The following PBRM1 variants were observed in gnomAD, a reference collection of about 807,000 sequenced individuals.
The protein encoded by PBRM1 is polybromo 1.
In PBRM1, 27 loss-of-function variants were observed where a neutral mutation model predicts 194.5. The observed-to-expected ratio is 0.14, with a 90% confidence interval of 0.10 to 0.19. The LOEUF (loss-of-function observed/expected upper bound fraction) is 0.19, where lower values mean the gene tolerates loss of function less well. Among genes scored for constraint, PBRM1 ranks in the 10% least tolerant of loss-of-function variants. The pLI, the probability that PBRM1 is intolerant of heterozygous loss-of-function variation, is 1.00. For missense variants in PBRM1, 1,466 were observed against 2,077.2 expected (o/e 0.71, Z 5.72); for synonymous variants, 655 against 693.2 (o/e 0.94, Z 0.87).
At chr3:52,645,335 T>C (rs559657373) in intron 7 of PBRM1, among the ~76,000 whole-genome samples, 175 of 151,910 alleles carry the variant, frequency 1.2e-3, no homozygotes, top group African/African-American at 4.0e-3. Context: ...TCTTTCTTTT[T>C]TTTTTTTGGT....
At chr3:52,628,827 C>T in intron 12 of PBRM1, 67 bp downstream of exon 13, 1 of 1,411,638 alleles carries the variant, frequency 7.1e-7, no homozygotes, top group Non-Finnish European at 1.0e-6. Context: ...TACTAGAACA[C>T]ACTCAAAACA....
At chr3:52,685,190 C>G (rs925383441) in intron 1 of PBRM1, among the ~76,000 whole-genome samples, 1 of 152,094 alleles carries the variant, frequency 6.6e-6, no homozygotes, top group Non-Finnish European at 1.5e-5. Flanking sequence ...TAAATTAAAA[C>G]TTATTATAAT....
intron 7 of PBRM1, among the ~76,000 whole-genome samples, chr3:52,647,928 T>C (rs75275370): frequency 6.8e-6 from 1 of 146,758 alleles, no homozygotes; most frequent in Admixed American, 6.9e-5. Context: ...TTTTTTTTTT[T>C]CTTTTTGAGA....
upstream of PBRM1, among the ~76,000 whole-genome samples, chr3:52,684,314 A>C (rs1210532496): frequency 6.6e-6 from 1 of 152,194 alleles, no homozygotes; most frequent in Non-Finnish European, 1.5e-5. Flanking sequence ...AAAGTCTAAC[A>C]ATCAATAATT....
intron 20 of PBRM1, chr3:52,585,530 T>A (rs72947589): frequency 0.072 from 11,042 of 152,314 alleles, 949 homozygotes; most frequent in African/African-American, 0.21. Context: ...CACATTTATT[T>A]ATTTATTTAT....
intron 3 of PBRM1, among the ~76,000 whole-genome samples, chr3:52,667,950 G>A (rs34537989): frequency 0.031 from 4,680 of 151,566 alleles, 141 homozygotes; most frequent in Non-Finnish European, 0.045. Context: ...CAAACCAAGA[G>A]AAAAATGGGC....
At chr3:52,643,306 G>A in exon 9 of PBRM1, 1 of 1,613,838 alleles carries the variant, frequency 6.2e-7, no homozygotes, top group East Asian at 2.2e-5. Context: ...CTGTGTGAAG[G>A]ACCTGTCAGT....
intron 20 of PBRM1, among the ~76,000 whole-genome samples, chr3:52,581,479 C>A (rs2091162329): frequency 6.7e-6 from 1 of 149,362 alleles, no homozygotes; most frequent in African/African-American, 2.5e-5. Flanking sequence ...CGCTATACTC[C>A]AACCTGGGCA....
intron 22 of PBRM1, among the ~76,000 whole-genome samples, chr3:52,567,067 C>CAAAA (rs936466298): frequency 1.7e-5 from 1 of 59,958 alleles, no homozygotes; most frequent in Non-Finnish European, 3.5e-5. Context: ...GACTCCATCT[C>CAAAA]AAAAAAAAAA....
At chr3:52,685,098 T>C (rs2097289345) in intron 1 of PBRM1, among the ~76,000 whole-genome samples, 1 of 152,226 alleles carries the variant, frequency 6.6e-6, no homozygotes, top group Admixed American at 6.5e-5. Context: ...TCTATAATTA[T>C]TGTAAGAATT....
At chr3:52,550,771 T>C (rs2251219) in exon 28 of PBRM1, 614,482 of 1,608,634 alleles carry the variant, frequency 0.38, 121,663 homozygotes, top group Admixed American at 0.51. Flanking sequence ...GACTTCCACC[T>C]GGTGCTGGAG....
At chr3:52,632,028 G>C (rs911400985) in intron 11 of PBRM1, among the ~76,000 whole-genome samples, 2 of 152,116 alleles carry the variant, frequency 1.3e-5, no homozygotes, top group African/African-American at 2.4e-5. Flanking sequence ...TTTGGGAATG[G>C]TCACCTATTC....
intron 15 of PBRM1, 99 bp from the exon 18 acceptor site, chr3:52,610,054 T>A: frequency 1.4e-6 from 1 of 718,488 alleles, no homozygotes; most frequent in Non-Finnish European, 2.1e-6. Context: ...AAGTAATTTG[T>A]AAAATCTAGC....
upstream of PBRM1, among the ~76,000 whole-genome samples, chr3:52,680,307 C>T (rs148140354): frequency 4.3e-4 from 65 of 152,284 alleles, no homozygotes; most frequent in East Asian, 8.7e-3. Flanking sequence ...AAAATTAAAA[C>T]CCTGAAAATG....
At chr3:52,586,766 A>AG in intron 19 of PBRM1, 78 bp from the exon 22 acceptor site, 1 of 1,092,650 alleles carries the variant, frequency 9.2e-7, no homozygotes, top group Non-Finnish European at 1.3e-6. Context: ...AAAAAAAAAA[A>AG]AGCAAATAAC....
Position 52,609,044 on chromosome 3 carries a change from C to A in PBRM1, c.2567+269G>T. ...TTTAAAAAACACATTCTATGAAAGG[C>A]TGTATTTTAAGTTTATGCTTTTCAA... On this transcript the variant is annotated intron_variant, in intron 16 of 29. Transcript: ENST00000296302. The surrounding 1 kb of genome is among the most constrained non-coding windows in gnomAD (Gnocchi z 4.1). The A allele has an allele frequency of 5.7e-6, 2 of 353,584 alleles. No homozygotes were observed. Among genetic ancestry groups the A allele is most frequent in the African/African-American group, 2.1e-5 (1 of 47,484 alleles). The allele number at this position is 353,584 out of a possible 1,614,324, so 21.9% of individuals were successfully genotyped here. A position where few individuals can be genotyped will look rare whatever the true frequency, so the allele number is the denominator to read the frequency against.
chr3:52,596,477 A>G (rs940097083), intron 17 of PBRM1, among the ~76,000 whole-genome samples: 5 of 133,602 alleles, frequency 3.7e-5, no homozygotes, highest in East Asian at 2.2e-4. Flanking sequence ...AAAAAAAAAA[A>G]AAAGAAATGT....
At chr3:52,651,849 CTA>C (rs1412093142) in intron 5 of PBRM1, 39 bp from the exon 7 acceptor site, 1 of 1,283,988 alleles carries the variant, frequency 7.8e-7, no homozygotes, top group Non-Finnish European at 1.1e-6. Flanking sequence ...ATAAGTTAAA[CTA>C]TTCAGCTAAT....
At chr3:52,565,846 C>T (rs2085012027) in intron 22 of PBRM1, among the ~76,000 whole-genome samples, 1 of 151,974 alleles carries the variant, frequency 6.6e-6, no homozygotes, top group Non-Finnish European at 1.5e-5. Context: ...GTCAGGAGAT[C>T]GAGACCGTCC....
Sources: allele counts gnomAD v4.1 joint callset (sites outside exome capture counted in the v4.1 genomes callset), GRCh38; gene constraint gnomAD v4.1.1; non-coding constraint Gnocchi (gnomAD v3.1); transcripts MANE v1.5; gene names NCBI Gene and HGNC (gene_info 2026-07-23, HGNC 2026-07-21).